The following CLEC16A variants were observed in gnomAD, a reference collection of about 807,000 sequenced individuals.
CLEC16A encodes the protein C-type lectin domain containing 16A.
In CLEC16A, 51 loss-of-function variants were observed where a neutral mutation model predicts 109.5. The ratio of observed to expected loss-of-function variants is 0.47; its 90% CI spans 0.37 to 0.59. The LOEUF (loss-of-function observed/expected upper bound fraction) is 0.59, where lower values mean the gene tolerates loss of function less well. Among genes scored for constraint, CLEC16A ranks in the 20% least tolerant of loss-of-function variants. The probability of loss-of-function intolerance (pLI) is 0.00; values close to 1 mark genes in which losing one functional copy is unlikely to be tolerated. For synonymous variants in CLEC16A, 673 were observed against 564.2 expected, an observed-to-expected ratio of 1.19 and a Z score of -2.73; for missense variants, 1,339 against 1,394.0, an observed-to-expected ratio of 0.96 and a Z score of 0.63.
chr16:11,138,952 A>G (rs1460985176), intron 22 of CLEC16A, among the ~76,000 whole-genome samples: 3 of 150,340 alleles, frequency 2.0e-5, no homozygotes, highest in Non-Finnish European at 4.4e-5. Context: ...AGAAATAGCT[A>G]CGCTGAGAAA....
chr16:11,092,608 T>C (rs1269562016), intron 19 of CLEC16A, among the ~76,000 whole-genome samples: 2 of 152,196 alleles, frequency 1.3e-5, no homozygotes, highest in Non-Finnish European at 2.9e-5. Context: ...CAGCATTTCC[T>C]TGAACGTTTT....
chr16:11,160,728 C>T (rs1043096435), intron 22 of CLEC16A, among the ~76,000 whole-genome samples: 12 of 152,208 alleles, frequency 7.9e-5, no homozygotes, highest in African/African-American at 2.9e-4. Flanking sequence ...AGTTAATTTC[C>T]CTCTCGGGTA....
At chr16:10,982,066 C>T (rs1225230067) in intron 9 of CLEC16A, among the ~76,000 whole-genome samples, 3 of 152,232 alleles carry the variant, frequency 2.0e-5, no homozygotes, top group Non-Finnish European at 4.4e-5. Context: ...AACATGCACA[C>T]GCTTTTCTAT....
chr16:11,165,433 A>C (rs981281805), intron 22 of CLEC16A, among the ~76,000 whole-genome samples: 2 of 152,172 alleles, frequency 1.3e-5, no homozygotes, highest in African/African-American at 4.8e-5. Flanking sequence ...TCAAGGCTGC[A>C]GTGAGCTGAG....
intron 19 of CLEC16A, among the ~76,000 whole-genome samples, chr16:11,115,713 A>T (rs2051938102): frequency 6.6e-6 from 1 of 152,096 alleles, no homozygotes; most frequent in Non-Finnish European, 1.5e-5. Flanking sequence ...CCTACCTACC[A>T]CAAAGAAAAT....
intron 19 of CLEC16A, among the ~76,000 whole-genome samples, chr16:11,106,374 G>A (rs976380692): frequency 4.6e-5 from 7 of 151,420 alleles, no homozygotes; most frequent in African/African-American, 1.5e-4. Context: ...CTGCAGCCTC[G>A]AACTCCTGGG....
intron 8 of CLEC16A, 34 bp from the exon 9 acceptor site, chr16:10,979,295 A>C: frequency 6.5e-7 from 1 of 1,542,124 alleles, no homozygotes; most frequent in East Asian, 2.3e-5. Flanking sequence ...GTGTGACCTG[A>C]TCTCTCTCTC....
chr16:11,059,531 G>T (rs763946658), intron 18 of CLEC16A, among the ~76,000 whole-genome samples: 1 of 152,198 alleles, frequency 6.6e-6, no homozygotes, highest in Non-Finnish European at 1.5e-5. Context: ...ATTGCCTGGG[G>T]TATGAGGAGG....
At chr16:11,012,709 A>G (rs767880588) in intron 11 of CLEC16A, among the ~76,000 whole-genome samples, 4 of 152,044 alleles carry the variant, frequency 2.6e-5, no homozygotes, top group Non-Finnish European at 5.9e-5. Flanking sequence ...GTGGTGGGTT[A>G]AATCAAGGAA....
At chr16:11,117,491 A>G (rs2153017607) in intron 19 of CLEC16A, among the ~76,000 whole-genome samples, 1 of 152,342 alleles carries the variant, frequency 6.6e-6, no homozygotes, top group East Asian at 1.9e-4. Context: ...TTCATTTAAA[A>G]TTATAATGTT....
chr16:11,050,261 C>T lies in CLEC16A; in HGVS notation c.1867-1252C>T, dbSNP rs945858765. Among the ~76,000 whole-genome samples, 3 of 152,298 alleles carry T rather than the reference C, an allele frequency of 2.0e-5. No homozygotes were observed. The East Asian group carries it at 5.8e-4, about 29-fold the overall frequency. On this transcript the variant is annotated intron_variant, in intron 17 of 23. Coordinates refer to ENST00000409790, the MANE Select transcript of CLEC16A (RefSeq NM_015226.3). ...TTACTCCATTCATGAGACCCAATCCCGTCTTGTTAGGCCCTACCTCTCAGC... is the reference window on the plus strand; with the variant it reads ...TTACTCCATTCATGAGACCCAATCCTGTCTTGTTAGGCCCTACCTCTCAGC...
chr16:10,963,308 C>T (rs1204088167), intron 3 of CLEC16A, among the ~76,000 whole-genome samples: 2 of 152,194 alleles, frequency 1.3e-5, no homozygotes, highest in African/African-American at 2.4e-5. Flanking sequence ...AAGGCCCTGT[C>T]TTCAAATACA....
chr16:11,001,268 T>A (rs1466228459), intron 10 of CLEC16A, among the ~76,000 whole-genome samples: 1 of 152,208 alleles, frequency 6.6e-6, no homozygotes, highest in Non-Finnish European at 1.5e-5. Flanking sequence ...CTATTTTTTG[T>A]AGAGATGGGG....
intron 12 of CLEC16A, chr16:11,024,587 G>A (rs1247984727): frequency 1.1e-5 from 5 of 443,062 alleles, no homozygotes; most frequent in African/African-American, 7.9e-5. Flanking sequence ...TGATTGTTGT[G>A]TGACTAAGCA....
chr16:11,149,786 TAA>T (rs34754184), intron 22 of CLEC16A: 181 of 146,950 alleles, frequency 1.2e-3, no homozygotes, highest in Middle Eastern at 3.4e-3. Flanking sequence ...GAGACTGTCT[TAA>T]AAAAAAAAAA....
intron 23 of CLEC16A, among the ~76,000 whole-genome samples, chr16:11,177,634 A>C (rs1236649333): frequency 2.0e-5 from 3 of 151,356 alleles, no homozygotes; most frequent in Non-Finnish European, 4.4e-5. Context: ...AAGGAAAGAA[A>C]TTGCTGCTCC....
intron 10 of CLEC16A, among the ~76,000 whole-genome samples, chr16:10,986,693 G>T (rs2043679058): frequency 6.6e-6 from 1 of 150,908 alleles, no homozygotes; most frequent in South Asian, 2.1e-4. Flanking sequence ...ATTCATCCAT[G>T]TTGTCGCATA....
At chr16:11,019,403 G>T (rs1325552675) in intron 11 of CLEC16A, among the ~76,000 whole-genome samples, 1 of 152,142 alleles carries the variant, frequency 6.6e-6, no homozygotes, top group Non-Finnish European at 1.5e-5. Context: ...ATCTCTCTCT[G>T]CCTTCTGGAA....
chr16:11,161,332 A>C (rs1401063100), intron 22 of CLEC16A, among the ~76,000 whole-genome samples: 1 of 152,196 alleles, frequency 6.6e-6, no homozygotes, highest in African/African-American at 2.4e-5. Flanking sequence ...ACCTTATGCA[A>C]AGACTCCTCC....
Sources: gnomAD v4.1 joint callset for allele counts (sites outside exome capture counted in the v4.1 genomes callset) on GRCh38, gnomAD v4.1.1 for gene constraint, MANE v1.5 for transcripts, NCBI Gene and HGNC (gene_info 2026-07-23, HGNC 2026-07-21) for gene names.